DSCAML1: variants seen among roughly 807,000 people sequenced by gnomAD.
DSCAML1 encodes DS cell adhesion molecule like 1.
DSCAML1 carries 38 observed loss-of-function variants against 200.5 expected under a neutral mutation model. The observed-to-expected ratio is 0.19, with a 90% CI of 0.15 to 0.25. The LOEUF (loss-of-function observed/expected upper bound fraction) is 0.25, where lower values mean the gene tolerates loss of function less well. Among genes scored for constraint, DSCAML1 ranks in the 10% least tolerant of loss-of-function variants. The probability of loss-of-function intolerance (pLI) is 1.00; values close to 1 mark genes in which losing one functional copy is unlikely to be tolerated. For missense variants in DSCAML1, 2,223 were observed against 2,858.8 expected (o/e 0.78, Z 5.07); for synonymous variants, 1,215 against 1,165.0 (o/e 1.04, Z -0.87).
chr11:117,602,964 C>T (rs894632435), intron 3 of DSCAML1, among the ~76,000 whole-genome samples: 5 of 152,196 alleles, frequency 3.3e-5, no homozygotes, highest in South Asian at 4.1e-4. Flanking sequence ...GGTGTGGTGG[C>T]GTGAACCTGT....
At chr11:117,500,541 G>A (rs527240811) in intron 11 of DSCAML1, among the ~76,000 whole-genome samples, 5 of 82,776 alleles carry the variant, frequency 6.0e-5, no homozygotes, top group South Asian at 7.8e-4. Context: ...CAAACTTACC[G>A]GGGAGGACAT....
At chr11:117,580,369 T>C (rs2051017564) in intron 3 of DSCAML1, among the ~76,000 whole-genome samples, 1 of 152,200 alleles carries the variant, frequency 6.6e-6, no homozygotes, top group Non-Finnish European at 1.5e-5. Flanking sequence ...GGCAATCTGG[T>C]AGAGCGAGGT....
intron 3 of DSCAML1, among the ~76,000 whole-genome samples, chr11:117,606,818 G>A (rs1198084690): frequency 6.6e-6 from 1 of 152,216 alleles, no homozygotes; most frequent in East Asian, 1.9e-4. Context: ...TGATGCTGAT[G>A]TCTGTTTTCT....
intron 3 of DSCAML1, among the ~76,000 whole-genome samples, chr11:117,638,536 T>C (rs1481168211): frequency 1.3e-5 from 2 of 152,164 alleles, no homozygotes; most frequent in African/African-American, 4.8e-5. Context: ...TAGCTATCAC[T>C]CCAACAGCCT....
intron 3 of DSCAML1, among the ~76,000 whole-genome samples, chr11:117,541,134 G>T (rs1378379321): frequency 6.6e-6 from 1 of 152,214 alleles, no homozygotes; most frequent in Non-Finnish European, 1.5e-5. Context: ...CCACCCCAAG[G>T]CCTTTGCTGT....
chr11:117,757,620 A>ACACACACACACACACACACAC (rs1565266292), intron 3 of DSCAML1, among the ~76,000 whole-genome samples: 1 of 139,290 alleles, frequency 7.2e-6, no homozygotes. Flanking sequence ...ACACACACAC[A>ACACACACACACACACACACAC]ATTATTTTTC....
chr11:117,536,046 CAGTA>C (rs910208818), intron 3 of DSCAML1, among the ~76,000 whole-genome samples: 18 of 144,906 alleles, frequency 1.2e-4, no homozygotes, highest in Admixed American at 3.4e-4. Context: ...TATTTAATTG[CAGTA>C]ACGTTTTCAG....
intron 3 of DSCAML1, among the ~76,000 whole-genome samples, chr11:117,636,805 C>A (rs562478377): frequency 6.6e-6 from 1 of 152,142 alleles, no homozygotes; most frequent in Non-Finnish European, 1.5e-5. Context: ...TTTGTAGGGT[C>A]GTTGTAAGGT....
chr11:117,685,215 T>A (rs1339860014), intron 3 of DSCAML1, among the ~76,000 whole-genome samples: 4 of 152,186 alleles, frequency 2.6e-5, no homozygotes, highest in Non-Finnish European at 5.9e-5. Context: ...CTGGAAGGAA[T>A]CTCAAAGATC....
intron 3 of DSCAML1, among the ~76,000 whole-genome samples, chr11:117,650,282 C>T (rs144604515): frequency 1.3e-5 from 2 of 152,212 alleles, no homozygotes; most frequent in Non-Finnish European, 1.5e-5. Context: ...AGATGCTTCA[C>T]GTATGGACTG....
chr11:117,544,147 G>T (rs2050326589), intron 3 of DSCAML1, among the ~76,000 whole-genome samples: 1 of 152,188 alleles, frequency 6.6e-6, no homozygotes, highest in Admixed American at 6.5e-5. Flanking sequence ...TACTTAGTCT[G>T]TCACAGCTCA....
At chr11:117,488,194 C>G (rs1357111693) in intron 11 of DSCAML1, among the ~76,000 whole-genome samples, 2 of 152,236 alleles carry the variant, frequency 1.3e-5, no homozygotes, top group Admixed American at 1.3e-4. Context: ...CACCCAGCCT[C>G]CAAGGACCAC....
At position 117,463,184 on chromosome 11, in the gene DSCAML1, G is replaced by C. The variant is rs1029813264; in HGVS notation, c.3266-1588C>G. 2.0e-5 allele frequency among the ~76,000 whole-genome samples: 3 copies of C among 152,188 alleles called. No individual in the cohort carries two copies. The highest frequency in any genetic ancestry group is 2.9e-5 in the Non-Finnish European group (2 of 68,036). ...GCACAAGGTGAAGCAGGAAGGCTAT[G>C]GGAATCAGAGATTTTGATCCAGACT... On this transcript the variant is annotated intron_variant, in intron 17 of 32. Coordinates refer to ENST00000651296, the MANE Select transcript of DSCAML1 (RefSeq NM_020693.4). The surrounding 1 kb of genome is among the most constrained non-coding windows in gnomAD (Gnocchi z 4.0).
chr11:117,710,498 A>C (rs1037619940), intron 3 of DSCAML1, among the ~76,000 whole-genome samples: 4 of 152,156 alleles, frequency 2.6e-5, no homozygotes, highest in Admixed American at 6.5e-5. Flanking sequence ...AGCAACCCAC[A>C]CATGTATACA....
chr11:117,486,172 G>A (rs1312508639), intron 11 of DSCAML1, among the ~76,000 whole-genome samples: 5 of 152,234 alleles, frequency 3.3e-5, no homozygotes, highest in Non-Finnish European at 7.3e-5. Flanking sequence ...GCAAGTGAAT[G>A]CAATCAGCCA....
chr11:117,621,511 C>T (rs970500957), intron 3 of DSCAML1, among the ~76,000 whole-genome samples: 3 of 152,140 alleles, frequency 2.0e-5, no homozygotes, highest in South Asian at 4.1e-4. Flanking sequence ...ATAAGTGGTG[C>T]TTTAAGAGTG....
chr11:117,638,861 T>C (rs996303389), intron 3 of DSCAML1, among the ~76,000 whole-genome samples: 6 of 152,236 alleles, frequency 3.9e-5, no homozygotes, highest in Non-Finnish European at 5.9e-5. Flanking sequence ...AGTTTTTGCG[T>C]GGATGTATGT....
intron 3 of DSCAML1, among the ~76,000 whole-genome samples, chr11:117,765,252 A>T (rs2054874817): frequency 6.6e-6 from 1 of 152,216 alleles, no homozygotes; most frequent in Admixed American, 6.5e-5. Flanking sequence ...GTGAAAGTCG[A>T]GCTTGGCAGC....
intron 3 of DSCAML1, among the ~76,000 whole-genome samples, chr11:117,635,768 C>A (rs1277233233): frequency 1.3e-5 from 2 of 152,068 alleles, no homozygotes; most frequent in East Asian, 3.9e-4. Flanking sequence ...GGACATCACC[C>A]TTGATGGCAT....
Sources: allele counts gnomAD v4.1 joint callset (sites outside exome capture counted in the v4.1 genomes callset), GRCh38; gene constraint gnomAD v4.1.1; non-coding constraint Gnocchi (gnomAD v3.1); transcripts MANE v1.5; gene names NCBI Gene and HGNC (gene_info 2026-07-23, HGNC 2026-07-21).